Variants in GABRB2 observed in about 807,000 individuals in gnomAD.
GABRB2 encodes gamma-aminobutyric acid type A receptor subunit beta2.
Under a neutral mutation model 54.7 loss-of-function variants are expected in GABRB2, and 16 were observed. The ratio of observed to expected loss-of-function variants is 0.29; its 90% CI spans 0.20 to 0.44. The LOEUF is 0.44. Among genes scored for constraint, GABRB2 ranks in the 20% least tolerant of loss-of-function variants. The pLI is 1.00. For synonymous variants in GABRB2, 244 were observed against 233.8 expected (o/e 1.04, Z -0.40); for missense variants, 355 against 644.0 (o/e 0.55, Z 4.86).
intron 3 of GABRB2, among the ~76,000 whole-genome samples, chr5:161,544,451 C>T (rs568866569): frequency 6.6e-6 from 1 of 152,292 alleles, no homozygotes; most frequent in Non-Finnish European, 1.5e-5. Context: ...CCAATATGGG[C>T]AGCAGGGGGA....
intron 5 of GABRB2, among the ~76,000 whole-genome samples, chr5:161,342,691 C>T (rs951260831): frequency 4.6e-5 from 7 of 152,058 alleles, no homozygotes; most frequent in Admixed American, 1.3e-4. Context: ...AAGCCATACA[C>T]AGTGCTATTT....
At chr5:161,462,668 A>G (rs964456200) in intron 3 of GABRB2, among the ~76,000 whole-genome samples, 1 of 152,188 alleles carries the variant, frequency 6.6e-6, no homozygotes, top group Non-Finnish European at 1.5e-5. Context: ...ACCCTGCATT[A>G]CATGCTAATT....
intron 3 of GABRB2, among the ~76,000 whole-genome samples, chr5:161,543,005 T>C (rs1243586882): frequency 6.6e-6 from 1 of 152,178 alleles, no homozygotes; most frequent in Non-Finnish European, 1.5e-5. Context: ...GTTATTAAGG[T>C]TGGAAGCTGA....
At chr5:161,389,042 T>G (rs1755734814) in intron 5 of GABRB2, among the ~76,000 whole-genome samples, 1 of 152,058 alleles carries the variant, frequency 6.6e-6, no homozygotes, top group African/African-American at 2.4e-5. Flanking sequence ...AACCCATATG[T>G]TCTAGCCCTG....
In GABRB2 at chr5:161,481,033, T is replaced by C. The variant is rs114438132; in HGVS notation, c.238-21189A>G. On this transcript the variant is annotated intron_variant, in intron 3 of 9. Transcript: ENST00000393959. ...AAAACTCATATGAACACTATATAAATATTAATGACATAAATCTACATCTAT... is the reference window on the plus strand; with the variant it reads ...AAAACTCATATGAACACTATATAAACATTAATGACATAAATCTACATCTAT... 2.6e-3 allele frequency among the ~76,000 whole-genome samples: 402 copies of C among 152,150 alleles called. 3 individuals are homozygous for C. Among genetic ancestry groups the C allele is most frequent in the African/African-American group, 9.4e-3 (389 of 41,534 alleles).
At chr5:161,475,738 G>A (rs1257435293) in intron 3 of GABRB2, among the ~76,000 whole-genome samples, 1 of 151,782 alleles carries the variant, frequency 6.6e-6, no homozygotes, top group Non-Finnish European at 1.5e-5. Context: ...TACAGAAAAA[G>A]CATTTACAAA....
intron 5 of GABRB2, among the ~76,000 whole-genome samples, chr5:161,384,201 T>C (rs1755554934): frequency 6.6e-6 from 1 of 152,220 alleles, no homozygotes. Flanking sequence ...TGTGGTCAAT[T>C]AATAATTCAA....
At chr5:161,500,320 T>A (rs1449539139) in intron 3 of GABRB2, among the ~76,000 whole-genome samples, 1 of 152,108 alleles carries the variant, frequency 6.6e-6, no homozygotes, top group Non-Finnish European at 1.5e-5. Context: ...ATTCTTTGCT[T>A]TTTTTTCCAC....
At chr5:161,521,870 T>C (rs1002137866) in intron 3 of GABRB2, among the ~76,000 whole-genome samples, 2 of 151,848 alleles carry the variant, frequency 1.3e-5, no homozygotes, top group African/African-American at 4.8e-5. Flanking sequence ...GAAGGTAGAA[T>C]GGGCCATGTG....
At chr5:161,521,214 A>G (rs1446013901) in intron 3 of GABRB2, among the ~76,000 whole-genome samples, 1 of 151,910 alleles carries the variant, frequency 6.6e-6, no homozygotes, top group Non-Finnish European at 1.5e-5. Flanking sequence ...TTGAAGGAAT[A>G]TATTTGGTGT....
intron 3 of GABRB2, among the ~76,000 whole-genome samples, chr5:161,544,981 T>A (rs1485039731): frequency 2.6e-5 from 4 of 152,006 alleles, no homozygotes; most frequent in Non-Finnish European, 5.9e-5. Flanking sequence ...CGTGGTTGCG[T>A]TTTACACATG....
chr5:161,520,200 T>C (rs1213392107), intron 3 of GABRB2, among the ~76,000 whole-genome samples: 2 of 152,072 alleles, frequency 1.3e-5, no homozygotes, highest in Non-Finnish European at 2.9e-5. Flanking sequence ...AATTAGGAAG[T>C]ATGTCTGCAC....
chr5:161,341,055 A>G lies in GABRB2; in HGVS notation c.542-4286T>C, dbSNP rs928118051. On this transcript the variant is annotated intron_variant, in intron 5 of 9. Coordinates refer to ENST00000393959, the MANE Select transcript of GABRB2 (RefSeq NM_001371727.1). ...TTGCAAATGGAAAGCAAATGTTGCT[A>G]TTGCATCATTGGTTTCTGAAGACGA... Among the ~76,000 whole-genome samples, 17 of 152,036 alleles carry G rather than the reference A, an allele frequency of 1.1e-4. 1 individual carries two copies. Among genetic ancestry groups the G allele is most frequent in the Admixed American group, 2.6e-4 (4 of 15,230 alleles).
chr5:161,527,400 T>G (rs1437090927), intron 3 of GABRB2, among the ~76,000 whole-genome samples: 1 of 151,492 alleles, frequency 6.6e-6, no homozygotes, highest in Non-Finnish European at 1.5e-5. Flanking sequence ...TGGAATAATA[T>G]CTGAATATTT....
At chr5:161,438,566 C>T (rs534829970) in intron 4 of GABRB2, among the ~76,000 whole-genome samples, 3 of 152,072 alleles carry the variant, frequency 2.0e-5, no homozygotes, top group Admixed American at 1.3e-4. Flanking sequence ...TCACCAGACA[C>T]CAATCCTGGA....
chr5:161,412,999 G>C (rs1369970823), intron 4 of GABRB2, among the ~76,000 whole-genome samples: 1 of 152,036 alleles, frequency 6.6e-6, no homozygotes, highest in Non-Finnish European at 1.5e-5. Flanking sequence ...TCAACCTCCT[G>C]GTCTCAAGCA....
At chr5:161,500,437 T>G (rs1259525322) in intron 3 of GABRB2, among the ~76,000 whole-genome samples, 1 of 152,188 alleles carries the variant, frequency 6.6e-6, no homozygotes, top group African/African-American at 2.4e-5. Flanking sequence ...TCCATTTGAT[T>G]GTTACCAGGA....
chr5:161,323,841 C>G (rs1666712049), intron 9 of GABRB2, among the ~76,000 whole-genome samples: 1 of 152,106 alleles, frequency 6.6e-6, no homozygotes, highest in Non-Finnish European at 1.5e-5. Flanking sequence ...TCTCAGATGG[C>G]TATTAGGTAT....
chr5:161,288,445 TTATTTA>T lies in GABRB2; in HGVS notation c.*5630_*5635del, dbSNP rs1489341966. On this transcript the variant is annotated 3_prime_UTR_variant, in exon 10 of 10. Coordinates refer to ENST00000393959, the MANE Select transcript of GABRB2 (RefSeq NM_001371727.1). ...AACCACACACACAATCTTTTTATTT[TTATTTA>T]TATTTCTTAGTTCAAGAATTACACA... 1 of 152,634 alleles carries T rather than the reference TTATTTA, an allele frequency of 6.6e-6. No individual in the cohort carries two copies. The highest frequency in any genetic ancestry group is 1.9e-4 in the East Asian group (1 of 5,198). 9.5% of individuals were successfully genotyped at this position (152,634 alleles called of 1,614,324 possible).
Sources: gnomAD v4.1 joint callset for allele counts (sites outside exome capture counted in the v4.1 genomes callset) on GRCh38, gnomAD v4.1.1 for gene constraint, MANE v1.5 for transcripts, NCBI Gene and HGNC (gene_info 2026-07-23, HGNC 2026-07-21) for gene names.